SLC13A3: variants seen among roughly 807,000 people sequenced by gnomAD.
The protein encoded by SLC13A3 is Na(+)/dicarboxylate cotransporter 3.
In SLC13A3, 40 loss-of-function variants were observed where a neutral mutation model predicts 59.0. That is an observed-to-expected ratio of 0.68 (90% confidence interval 0.53 to 0.88). The LOEUF (loss-of-function observed/expected upper bound fraction) is 0.88. Ranked by LOEUF, SLC13A3 falls within the 40% of genes least tolerant of loss-of-function variation. The pLI is 0.00. For missense variants in SLC13A3, 699 were observed against 783.2 expected (o/e 0.89, Z 1.28); for synonymous variants, 317 against 330.3 (o/e 0.96, Z 0.44).
At chr20:46,616,876 G>T (rs527420309) in intron 1 of SLC13A3, among the ~76,000 whole-genome samples, 1 of 152,296 alleles carries the variant, frequency 6.6e-6, no homozygotes, top group South Asian at 2.1e-4. Context: ...CCACAGCTCA[G>T]AGAGCCAAAG....
At chr20:46,612,307 A>G (rs2062507514) in intron 2 of SLC13A3, among the ~76,000 whole-genome samples, 1 of 151,288 alleles carries the variant, frequency 6.6e-6, no homozygotes. Flanking sequence ...AATTTTTTGT[A>G]TTTTTGGTAG....
intron 4 of SLC13A3, among the ~76,000 whole-genome samples, 184 bp downstream of exon 4, chr20:46,599,787 T>C (rs1327142337): frequency 1.3e-5 from 2 of 152,192 alleles, no homozygotes; most frequent in African/African-American, 4.8e-5. Flanking sequence ...GTCTGCATTT[T>C]TTTTTAAATG....
At chr20:46,632,868 G>GATAA (rs2122820755) in intron 1 of SLC13A3, among the ~76,000 whole-genome samples, 1 of 3,024 alleles carries the variant, frequency 3.3e-4, no homozygotes, top group East Asian at 7.6e-3. Context: ...TCTTTCAATA[G>GATAA]ATAGATAGAT....
intron 3 of SLC13A3, chr20:46,608,687 T>G: frequency 1.7e-6 from 1 of 599,700 alleles, no homozygotes; most frequent in Non-Finnish European, 2.7e-6. Context: ...TGAGATTAAC[T>G]TAGATGGTAC....
chr20:46,674,199 G>A (rs767058352), upstream of SLC13A3, among the ~76,000 whole-genome samples: 3 of 152,110 alleles, frequency 2.0e-5, no homozygotes, highest in Non-Finnish European at 4.4e-5. Context: ...ACATCTCTCA[G>A]TGTGACATTT....
chr20:46,593,420 C>T (rs1023916338), intron 5 of SLC13A3, among the ~76,000 whole-genome samples: 1 of 152,064 alleles, frequency 6.6e-6, no homozygotes, highest in African/African-American at 2.4e-5. Flanking sequence ...TGGATACTCA[C>T]GGACATTTCT....
chr20:46,677,463 C>T (rs1285688725), intron 1 of SLC13A3, among the ~76,000 whole-genome samples: 1 of 152,070 alleles, frequency 6.6e-6, no homozygotes, highest in Non-Finnish European at 1.5e-5. Flanking sequence ...TTTGCTGGAT[C>T]GAATGGGGGC....
upstream of SLC13A3, among the ~76,000 whole-genome samples, chr20:46,674,604 C>CGTGTGTGTGTGTGTGTGT (rs58582046): frequency 1.6e-5 from 2 of 127,882 alleles, no homozygotes; most frequent in African/African-American, 3.2e-5. Flanking sequence ...CGCGCGCGCG[C>CGTGTGTGTGTGTGTGTGT]GTGTGTGTGT....
At chr20:46,564,945 A>G (rs2061966830) in intron 11 of SLC13A3, among the ~76,000 whole-genome samples, 2 of 152,262 alleles carry the variant, frequency 1.3e-5, no homozygotes, top group African/African-American at 4.8e-5. Flanking sequence ...AAATTGATGC[A>G]TAAAATAAGC....
rs2062485307 is a variant in SLC13A3, at chr20:46,610,615, G to A, written c.378-6C>T. 6.2e-7 allele frequency: 1 copy of A among 1,609,104 alleles called. No homozygotes were observed. Among genetic ancestry groups the A allele is most frequent in the South Asian group, 1.1e-5 (1 of 90,370 alleles). On this transcript the variant is annotated splice_polypyrimidine_tract_variant and splice_region_variant and intron_variant, in intron 2 of 12. Coordinates refer to ENST00000279027, the MANE Select transcript of SLC13A3 (RefSeq NM_022829.6). ...CCATCATCCCCAGGATGAGCCTGCAGAGCAGATGGCATTAGAGGCAAATCC... is the reference window on the plus strand; with the variant it reads ...CCATCATCCCCAGGATGAGCCTGCAAAGCAGATGGCATTAGAGGCAAATCC...
chr20:46,599,772 T>C (rs918130897), intron 4 of SLC13A3, among the ~76,000 whole-genome samples, 199 bp downstream of exon 4: 1 of 152,164 alleles, frequency 6.6e-6, no homozygotes, highest in Admixed American at 6.5e-5. Flanking sequence ...CCCTACCCTT[T>C]CCATGTCTGC....
At chr20:46,600,206 G>A (rs1182543682) in intron 3 of SLC13A3, among the ~76,000 whole-genome samples, 169 bp from the exon 4 acceptor site, 1 of 135,234 alleles carries the variant, frequency 7.4e-6, no homozygotes, top group East Asian at 2.6e-4. Flanking sequence ...GGAAGGGAGA[G>A]AGAGGAAGGG....
intron 9 of SLC13A3, among the ~76,000 whole-genome samples, chr20:46,580,172 T>A (rs1287137127): frequency 1.3e-5 from 2 of 152,170 alleles, no homozygotes; most frequent in Non-Finnish European, 2.9e-5. Context: ...GCCAGGCTGC[T>A]CTTAGACTCG....
At chr20:46,585,615 A>G (rs533110521) in intron 8 of SLC13A3, 2 of 1,251,084 alleles carry the variant, frequency 1.6e-6, no homozygotes, top group African/African-American at 3.2e-5. Context: ...CGTGATCACA[A>G]TGTAGAACAG....
intron 4 of SLC13A3, 124 bp downstream of exon 4, chr20:46,599,847 A>C: frequency 1.7e-6 from 1 of 577,112 alleles, no homozygotes; most frequent in Non-Finnish European, 3.0e-6. Flanking sequence ...GTGGAAACTC[A>C]GGCATTAGGT....
At chr20:46,605,383 C>A (rs966163336) in intron 3 of SLC13A3, among the ~76,000 whole-genome samples, 2 of 152,120 alleles carry the variant, frequency 1.3e-5, no homozygotes, top group African/African-American at 4.8e-5. Flanking sequence ...CACATGGAAA[C>A]AGGCCAGTGG....
chr20:46,567,347 A>G (rs2146083201), intron 10 of SLC13A3, among the ~76,000 whole-genome samples: 1 of 152,282 alleles, frequency 6.6e-6, no homozygotes, highest in South Asian at 2.1e-4. Context: ...ACCTGCAGGC[A>G]TTAGCTCCTT....
intron 12 of SLC13A3, 98 bp from the exon 13 acceptor site, chr20:46,560,296 C>T (rs1368846711): frequency 2.5e-5 from 30 of 1,205,738 alleles, no homozygotes; most frequent in East Asian, 9.4e-5. Context: ...CACCCAAGAT[C>T]GCACAGCCAG....
upstream of SLC13A3, among the ~76,000 whole-genome samples, chr20:46,674,604 C>CGCGCGT (rs370861850): frequency 6.5e-4 from 83 of 127,950 alleles, no homozygotes; most frequent in African/African-American, 2.4e-3. Flanking sequence ...CGCGCGCGCG[C>CGCGCGT]GTGTGTGTGT....
Sources: gnomAD v4.1 joint callset for allele counts (sites outside exome capture counted in the v4.1 genomes callset) on GRCh38, gnomAD v4.1.1 for gene constraint, MANE v1.5 for transcripts, NCBI Gene and HGNC (gene_info 2026-07-23, HGNC 2026-07-21) for gene names.